The following GNB1 variants were observed in gnomAD, a reference collection of about 807,000 sequenced individuals.
GNB1 encodes the protein G protein subunit beta 1.
In GNB1, 2 loss-of-function variants were observed where a neutral mutation model predicts 42.9. That is an observed-to-expected ratio of 0.05 (90% confidence interval 0.02 to 0.15). The LOEUF (loss-of-function observed/expected upper bound fraction) is 0.15, where lower values mean the gene tolerates loss of function less well. GNB1 is among the 10% of genes least tolerant of loss of function. The pLI, the probability that GNB1 is intolerant of heterozygous loss-of-function variation, is 1.00. For missense variants in GNB1, 193 were observed against 462.2 expected, an observed-to-expected ratio of 0.42 and a Z score of 5.34; for synonymous variants, 183 against 174.7, an observed-to-expected ratio of 1.05 and a Z score of -0.38.
At chr1:1,831,209 T>G (rs1647071263) in intron 2 of GNB1, among the ~76,000 whole-genome samples, 1 of 151,974 alleles carries the variant, frequency 6.6e-6, no homozygotes, top group Non-Finnish European at 1.5e-5. Context: ...TCGTGGAACG[T>G]GCCTGTAGTC....
chr1:1,852,076 T>C (rs963773823), intron 1 of GNB1, among the ~76,000 whole-genome samples: 3 of 149,716 alleles, frequency 2.0e-5, no homozygotes, highest in Admixed American at 6.6e-5. Context: ...TTCACTTTAC[T>C]GGAAAAAAAA....
intron 1 of GNB1, among the ~76,000 whole-genome samples, chr1:1,876,984 T>C (rs936283083): frequency 6.6e-6 from 1 of 152,066 alleles, no homozygotes; most frequent in African/African-American, 2.4e-5. Flanking sequence ...AATTACAAAG[T>C]AGAAAAATCA....
At chr1:1,877,411 A>G (rs1330272466) in intron 1 of GNB1, among the ~76,000 whole-genome samples, 1 of 151,596 alleles carries the variant, frequency 6.6e-6, no homozygotes, top group Admixed American at 6.6e-5. Context: ...AAAACACTAG[A>G]AGAAATATAA....
chr1:1,880,664 A>T (rs1471141313), intron 1 of GNB1, among the ~76,000 whole-genome samples: 1 of 152,118 alleles, frequency 6.6e-6, no homozygotes. Flanking sequence ...AGGAGCCCCC[A>T]GGGGTCCACG....
chr1:1,890,540 G>T, intron 1 of GNB1: 1 of 148,488 alleles, frequency 6.7e-6, no homozygotes, highest in South Asian at 2.0e-4. Context: ...AAGCGCCCGC[G>T]GCGCACACAA....
chr1:1,886,364 T>A (rs543131438), intron 1 of GNB1, among the ~76,000 whole-genome samples: 1 of 152,148 alleles, frequency 6.6e-6, no homozygotes, highest in Non-Finnish European at 1.5e-5. Flanking sequence ...CAAACTCAAA[T>A]GTCTATAGAT....
At chr1:1,816,736 C>A (rs1158561666) in intron 4 of GNB1, among the ~76,000 whole-genome samples, 3 of 150,502 alleles carry the variant, frequency 2.0e-5, no homozygotes, top group South Asian at 4.2e-4. Context: ...GCAACCTCTG[C>A]CTCCCGGGTC....
intron 1 of GNB1, among the ~76,000 whole-genome samples, chr1:1,873,717 C>A (rs1403185442): frequency 6.6e-6 from 1 of 152,170 alleles, no homozygotes; most frequent in Non-Finnish European, 1.5e-5. Flanking sequence ...ACTCAGGAGG[C>A]TGAGGCAGAA....
At chr1:1,814,768 C>G (rs1203379750) in intron 5 of GNB1, among the ~76,000 whole-genome samples, 20 of 141,340 alleles carry the variant, frequency 1.4e-4, no homozygotes, top group Non-Finnish European at 2.1e-4. Flanking sequence ...CACCACTGCA[C>G]TCCAGCATGA....
chr1:1,793,286 C>A lies in GNB1; in HGVS notation c.456G>T (p.Leu152=). 1 of 1,613,304 alleles carries A rather than the reference C, an allele frequency of 6.2e-7. No homozygotes were observed. The part of the protein sequence containing the change: ...HTGYLSCCRF[L]DDNQIVTSSG... The stretch of plus-strand genomic sequence containing the variant: ...AGCTGGTGACGATCTGATTGTCATC[C>A]AGGAATCGGCAGCAGGACAGGTAAC... The change falls in exon 8 of 12, where the codon CTG becomes CTT. Residue 152 remains leucine, a synonymous_variant. Transcript: ENST00000378609.
chr1:1,818,736 G>A (rs906659692), intron 3 of GNB1, among the ~76,000 whole-genome samples: 8 of 152,026 alleles, frequency 5.3e-5, no homozygotes, highest in African/African-American at 1.9e-4. Flanking sequence ...GGTGGCGCAC[G>A]CCTGTAATCC....
intron 3 of GNB1, among the ~76,000 whole-genome samples, chr1:1,820,708 C>T (rs1369259412): frequency 1.3e-5 from 2 of 152,076 alleles, no homozygotes; most frequent in Non-Finnish European, 1.5e-5. Context: ...AAGCAACTTC[C>T]CCCGGTTAGT....
intron 1 of GNB1, among the ~76,000 whole-genome samples, chr1:1,848,260 T>A (rs1278774891): frequency 6.8e-6 from 1 of 146,348 alleles, no homozygotes; most frequent in Non-Finnish European, 1.5e-5. Flanking sequence ...GCGCCTGTAA[T>A]CCCAGCTACT....
At chr1:1,800,979 C>T (rs1003335580) in intron 7 of GNB1, among the ~76,000 whole-genome samples, 3 of 152,188 alleles carry the variant, frequency 2.0e-5, no homozygotes, top group Admixed American at 6.5e-5. Context: ...TGCAGGAGAG[C>T]GGGAAGGGCA....
rs538433461 is a variant in GNB1 at position 1,788,778 on chromosome 1, C to T, written c.916+275G>A. 12 of 401,274 alleles carry T rather than the reference C, an allele frequency of 3.0e-5. No individual in the cohort carries two copies. The East Asian group carries it at 5.1e-4, about 17-fold the overall frequency. 24.9% of individuals were successfully genotyped at this position (401,274 alleles called of 1,614,324 possible). On this transcript the variant is annotated intron_variant, in intron 10 of 11. Coordinates refer to ENST00000378609, the MANE Select transcript of GNB1 (RefSeq NM_002074.5). ...AGAGTTCAGAGGGGAAAGCACGGGG[C>T]TGGGCCCTGGAGCCTGCACAGCTGA...
chr1:1,855,550 A>G (rs1648242081), intron 1 of GNB1, among the ~76,000 whole-genome samples: 1 of 151,550 alleles, frequency 6.6e-6, no homozygotes, highest in Non-Finnish European at 1.5e-5. Flanking sequence ...AAATACAAAA[A>G]ATTAGCAGGG....
chr1:1,863,617 C>G (rs1173411131), intron 1 of GNB1, among the ~76,000 whole-genome samples: 1 of 152,114 alleles, frequency 6.6e-6, no homozygotes, highest in Non-Finnish European at 1.5e-5. Context: ...TAAAAGAACA[C>G]AAAAAACAAA....
intron 1 of GNB1, among the ~76,000 whole-genome samples, chr1:1,877,041 C>T (rs1649581482): frequency 6.6e-6 from 1 of 152,110 alleles, no homozygotes; most frequent in Non-Finnish European, 1.5e-5. Context: ...TGGCTCATGC[C>T]TGTAATCTCA....
chr1:1,809,162 C>T (rs1646742141), intron 5 of GNB1, among the ~76,000 whole-genome samples: 1 of 151,102 alleles, frequency 6.6e-6, no homozygotes, highest in Non-Finnish European at 1.5e-5. Flanking sequence ...TAAGTGCAGG[C>T]TCCCATCCTA....
Sources: gnomAD v4.1 joint callset for allele counts (sites outside exome capture counted in the v4.1 genomes callset) on GRCh38, gnomAD v4.1.1 for gene constraint, MANE v1.5 for transcripts, NCBI Gene and HGNC (gene_info 2026-07-23, HGNC 2026-07-21) for gene names.